The following PEX7 variants were observed in gnomAD, a reference collection of about 807,000 sequenced individuals.
The protein encoded by PEX7 is peroxisomal biogenesis factor 7.
In PEX7, 34 loss-of-function variants were observed where a neutral mutation model predicts 47.5. That is an observed-to-expected ratio of 0.72 (90% CI 0.54 to 0.95). PEX7 has a LOEUF of 0.95. PEX7 is among the 40% of genes least tolerant of loss of function. The pLI, the probability that PEX7 is intolerant of heterozygous loss-of-function variation, is 0.00. For synonymous variants in PEX7, 141 were observed against 148.8 expected (o/e 0.95, Z 0.38); for missense variants, 394 against 400.3 (o/e 0.98, Z 0.13).
At chr6:136,839,368 A>G (rs17710825) in intron 3 of PEX7, among the ~76,000 whole-genome samples, 15,052 of 152,282 alleles carry the variant, frequency 0.099, 846 homozygotes, top group Admixed American at 0.14. Context: ...AAAAAGGGCA[A>G]TGCTTTACAG....
In PEX7 at chr6:136,893,444, C is replaced by T. The variant is rs559031324; in HGVS notation, c.804-4698C>T. Among the ~76,000 whole-genome samples, 263 of 152,316 alleles carry T rather than the reference C, an allele frequency of 1.7e-3. 1 individual carries two copies. Among genetic ancestry groups the T allele is most frequent in the African/African-American group, 6.1e-3 (253 of 41,570 alleles). On this transcript the variant is annotated intron_variant, in intron 8 of 9. Coordinates refer to ENST00000318471, the MANE Select transcript of PEX7 (RefSeq NM_000288.4). ...ACTTCCTCAGGACGTCCTCTTAAGT[C>T]ATCCTGCATTGTCTTTTGGGGCACT...
intron 8 of PEX7, among the ~76,000 whole-genome samples, chr6:136,890,476 T>C (rs1311385995): frequency 1.3e-5 from 2 of 152,174 alleles, no homozygotes; most frequent in African/African-American, 4.8e-5. Flanking sequence ...TACCTCAAGC[T>C]TTCATGTCCA....
chr6:136,862,576 A>G (rs946324708), intron 5 of PEX7, among the ~76,000 whole-genome samples: 6 of 152,026 alleles, frequency 3.9e-5, no homozygotes, highest in Admixed American at 1.3e-4. Context: ...GAATCTCACT[A>G]TGTTGCTCAG....
intron 5 of PEX7, among the ~76,000 whole-genome samples, chr6:136,865,448 G>A (rs559509797): frequency 4.1e-4 from 63 of 151,992 alleles, no homozygotes; most frequent in Admixed American, 1.4e-3. Flanking sequence ...ACAGGCACCC[G>A]CCACCACCAC....
Position 136,841,904 on chromosome 6 carries a change from A to G in PEX7, c.340-3711A>G, listed in dbSNP as rs555142647. ...CCTGGTGTAATTACTCTTTTTTTAA[A>G]TTAAAAAAAAAAACCCACACAGTCT... On this transcript the variant is annotated intron_variant, in intron 3 of 9. Coordinates refer to ENST00000318471, the MANE Select transcript of PEX7 (RefSeq NM_000288.4). 2.6e-4 allele frequency among the ~76,000 whole-genome samples: 39 copies of G among 149,080 alleles called. No individual in the cohort carries two copies. The South Asian group carries it at 6.2e-3, about 24-fold the overall frequency.
intron 3 of PEX7, among the ~76,000 whole-genome samples, chr6:136,835,025 C>T (rs1296940760): frequency 6.6e-6 from 1 of 152,016 alleles, no homozygotes; most frequent in Admixed American, 6.5e-5. Context: ...CTGCAACCTC[C>T]GCCTCCCAGG....
At chr6:136,890,066 C>G (rs1474323087) in intron 8 of PEX7, among the ~76,000 whole-genome samples, 1 of 152,198 alleles carries the variant, frequency 6.6e-6, no homozygotes, top group East Asian at 1.9e-4. Flanking sequence ...ATGAATAATA[C>G]ACCCTTTGAG....
At chr6:136,834,941 T>G (rs941826991) in intron 3 of PEX7, among the ~76,000 whole-genome samples, 2 of 152,072 alleles carry the variant, frequency 1.3e-5, no homozygotes, top group Non-Finnish European at 2.9e-5. Context: ...TAGTTTTTTG[T>G]TTTTTGTTTT....
intron 9 of PEX7, 83 bp from the exon 10 acceptor site, chr6:136,913,375 C>A: frequency 1.1e-6 from 1 of 914,684 alleles, no homozygotes; most frequent in Non-Finnish European, 1.8e-6. Flanking sequence ...TTACGACACT[C>A]TAAATGACTT....
chr6:136,876,497 A>AC (rs1683570031), intron 8 of PEX7, among the ~76,000 whole-genome samples: 4 of 148,928 alleles, frequency 2.7e-5, no homozygotes, highest in Admixed American at 2.7e-4. Context: ...CTAGTCCCCC[A>AC]CCCCCCAAAA....
chr6:136,882,415 T>C (rs1028406194), intron 8 of PEX7, among the ~76,000 whole-genome samples: 5 of 152,018 alleles, frequency 3.3e-5, no homozygotes, highest in African/African-American at 1.2e-4. Flanking sequence ...TGACCTCAAG[T>C]GATCTGCCCA....
intron 5 of PEX7, among the ~76,000 whole-genome samples, chr6:136,861,981 C>G (rs1389593904): frequency 7.1e-6 from 1 of 140,910 alleles, no homozygotes; most frequent in Non-Finnish European, 1.6e-5. Context: ...CATGAGAGAT[C>G]ATTTCATCAA....
At chr6:136,875,592 T>C (rs1355543695) in intron 8 of PEX7, among the ~76,000 whole-genome samples, 1 of 152,250 alleles carries the variant, frequency 6.6e-6, no homozygotes, top group Non-Finnish European at 1.5e-5. Context: ...TTTTTGTGAA[T>C]GTTTCATTTG....
In PEX7 at chr6:136,900,104, G is replaced by A. The variant is rs368612096; in HGVS notation, c.903+1863G>A. On this transcript the variant is annotated intron_variant, in intron 9 of 9. Coordinates refer to ENST00000318471, the MANE Select transcript of PEX7 (RefSeq NM_000288.4). The surrounding 1 kb of genome is among the most constrained non-coding windows in gnomAD (Gnocchi z 4.2). ...GCGCCTCCATTTCCTCAGCTATGGC[G>A]CTTCCTCGCCCAGGTCTGAAGAATA... 2.4e-4 allele frequency: 37 copies of A among 153,402 alleles called. No individual in the cohort carries two copies. In the East Asian group the frequency reaches 6.9e-3, roughly 28 times the overall value. The allele number at this position is 153,402 out of a possible 1,614,324, so 9.5% of individuals were successfully genotyped here.
chr6:136,828,558 C>G (rs1774238349), intron 3 of PEX7, among the ~76,000 whole-genome samples: 1 of 152,200 alleles, frequency 6.6e-6, no homozygotes. Flanking sequence ...TTGAAAATAG[C>G]CATCGTGCTC....
intron 3 of PEX7, among the ~76,000 whole-genome samples, chr6:136,838,974 G>T (rs1005412752): frequency 6.6e-6 from 1 of 152,158 alleles, no homozygotes; most frequent in Admixed American, 6.5e-5. Context: ...ATGAGCCCAG[G>T]ATTTAGAGAC....
At chr6:136,856,776 G>A (rs181021936) in intron 5 of PEX7, among the ~76,000 whole-genome samples, 2 of 152,288 alleles carry the variant, frequency 1.3e-5, no homozygotes, top group Admixed American at 6.5e-5. Context: ...GGATGGAGTC[G>A]AAGGGGCCAG....
intron 3 of PEX7, among the ~76,000 whole-genome samples, chr6:136,844,860 G>A (rs1471611347): frequency 3.3e-5 from 5 of 152,166 alleles, no homozygotes; most frequent in African/African-American, 4.8e-5. Flanking sequence ...TACTTCCTAC[G>A]TATATGTGGG....
In PEX7 at chr6:136,885,623, CA is replaced by C. The variant is rs552212448; in HGVS notation, c.804-12518del. 3.3e-5 allele frequency among the ~76,000 whole-genome samples: 5 copies of C among 152,174 alleles called. No homozygotes were observed. In the South Asian group the frequency reaches 1.0e-3, roughly 32 times the overall value. ...GTTATCTGCCAGCCATTGTAATAGA[CA>C]GTTTGAAATGTCTTTTTGAGGAAAT... is the stretch of plus-strand genomic sequence containing the variant. On this transcript the variant is annotated intron_variant, in intron 8 of 9. Transcript: ENST00000318471.
Sources: allele counts gnomAD v4.1 joint callset (sites outside exome capture counted in the v4.1 genomes callset), GRCh38; gene constraint gnomAD v4.1.1; non-coding constraint Gnocchi (gnomAD v3.1); transcripts MANE v1.5; gene names NCBI Gene and HGNC (gene_info 2026-07-23, HGNC 2026-07-21).